Variants in MKLN1 observed in about 807,000 individuals in gnomAD.
The protein encoded by MKLN1 is muskelin 1, also known as muskelin.
In MKLN1, 18 loss-of-function variants were observed where a neutral mutation model predicts 99.0. That is an observed-to-expected ratio of 0.18 (90% CI 0.13 to 0.27). The LOEUF (loss-of-function observed/expected upper bound fraction) is 0.27, where lower values mean the gene tolerates loss of function less well. Ranked by LOEUF, MKLN1 falls within the 10% of genes least tolerant of loss-of-function variation. MKLN1 has a pLI of 1.00. For synonymous variants in MKLN1, 288 were observed against 293.2 expected (o/e 0.98, Z 0.18); for missense variants, 621 against 875.9 (o/e 0.71, Z 3.67).
At chr7:131,442,004 GT>G (rs1795854240) in intron 10 of MKLN1, among the ~76,000 whole-genome samples, 1 of 152,194 alleles carries the variant, frequency 6.6e-6, no homozygotes, top group South Asian at 2.1e-4. Flanking sequence ...AAACTGAGTT[GT>G]TTTCAGCAGT....
intron 3 of MKLN1, among the ~76,000 whole-genome samples, chr7:131,272,300 G>C (rs1305200508): frequency 1.3e-5 from 2 of 152,202 alleles, no homozygotes; most frequent in Non-Finnish European, 2.9e-5. Flanking sequence ...TTAACCCAAG[G>C]CATATCAGGC....
At chr7:131,137,174 T>C (rs1189577885) in intron 1 of MKLN1, among the ~76,000 whole-genome samples, 1 of 152,160 alleles carries the variant, frequency 6.6e-6, no homozygotes, top group Admixed American at 6.5e-5. Context: ...TTCTATCCTG[T>C]GCATCTAGAA....
chr7:131,193,467 G>A (rs1051387077), intron 2 of MKLN1, among the ~76,000 whole-genome samples: 1 of 152,122 alleles, frequency 6.6e-6, no homozygotes, highest in Non-Finnish European at 1.5e-5. Flanking sequence ...CTGGGTTCAA[G>A]TGATTCTTCT....
At chr7:131,226,053 C>T (rs1257685616) in intron 3 of MKLN1, among the ~76,000 whole-genome samples, 1 of 148,940 alleles carries the variant, frequency 6.7e-6, no homozygotes, top group Non-Finnish European at 1.5e-5. Flanking sequence ...CTACTTTCTC[C>T]CCAGCCACTT....
rs540579545 is a variant in MKLN1 at position 131,300,699 on chromosome 7, A to C, written c.-178-74725A>C. Reference sequence around the variant, plus strand: ...TGAGACCCTGTCTCAAAAAAAAAAAAACAACCAAAAAGAAAAAAAAAGAAT... The same window carrying C: ...TGAGACCCTGTCTCAAAAAAAAAAACACAACCAAAAAGAAAAAAAAAGAAT... On this transcript the variant is annotated intron_variant, in intron 3 of 7. Transcript: ENST00000416992. 3.7e-3 allele frequency among the ~76,000 whole-genome samples: 452 copies of C among 122,004 alleles called. 4 individuals carry two copies. The highest frequency in any genetic ancestry group is 0.011 in the African/African-American group (429 of 38,540). 80.0% of individuals were successfully genotyped at this position (122,004 alleles called of 152,430 possible).
At chr7:131,389,372 A>G (rs1012487600) in intron 4 of MKLN1, among the ~76,000 whole-genome samples, 2 of 152,182 alleles carry the variant, frequency 1.3e-5, no homozygotes. Context: ...CTTATACTAA[A>G]ACAATAATAT....
chr7:131,228,546 C>T (rs1399495162), intron 3 of MKLN1, among the ~76,000 whole-genome samples: 1 of 152,170 alleles, frequency 6.6e-6, no homozygotes, highest in Non-Finnish European at 1.5e-5. Flanking sequence ...GGGTTTTTCC[C>T]TAATTCTTAT....
intron 1 of MKLN1, among the ~76,000 whole-genome samples, chr7:131,363,176 T>G (rs1297136414): frequency 6.6e-6 from 1 of 152,030 alleles, no homozygotes; most frequent in African/African-American, 2.4e-5. Flanking sequence ...GTGCAGTTTT[T>G]GAGCTGTGTG....
Position 131,397,354 on chromosome 7 carries a change from C to T in MKLN1, c.488C>T (p.Pro163Leu). The change falls in exon 5 of 18, where the codon CCT (proline) becomes CTT (leucine). Residue 163 changes from proline to leucine, a missense_variant. Coordinates refer to ENST00000352689, the MANE Select transcript of MKLN1 (RefSeq NM_013255.5). ...ATTGATGATCCTGATATAGTACAAC[C>T]TTGTCTCAACTGGTATAGCAAGGTA... ...SGIDDPDIVQ[P>L]CLNWYSKYRE... The T allele has an allele frequency of 6.2e-7, 1 of 1,606,114 alleles. No individual in the cohort carries two copies.
chr7:131,275,762 A>G (rs1001321627), intron 3 of MKLN1, among the ~76,000 whole-genome samples: 1 of 150,980 alleles, frequency 6.6e-6, no homozygotes, highest in Non-Finnish European at 1.5e-5. Context: ...ATATCAACAT[A>G]TCAATTTGAG....
At chr7:131,164,157 G>A (rs892495381) in intron 2 of MKLN1, among the ~76,000 whole-genome samples, 2 of 152,154 alleles carry the variant, frequency 1.3e-5, no homozygotes, top group African/African-American at 4.8e-5. Context: ...TGTCACTGAG[G>A]CTGGAGTGCA....
intron 5 of MKLN1, among the ~76,000 whole-genome samples, chr7:131,397,608 A>G (rs1315088296): frequency 6.6e-6 from 1 of 152,330 alleles, no homozygotes; most frequent in East Asian, 1.9e-4. Flanking sequence ...TTATAGATGA[A>G]GAAATGAAGA....
chr7:131,320,509 A>G (rs926844649), intron 3 of MKLN1, among the ~76,000 whole-genome samples: 1 of 152,238 alleles, frequency 6.6e-6, no homozygotes, highest in Non-Finnish European at 1.5e-5. Flanking sequence ...CATTCAGGAC[A>G]TAGGCATGGG....
chr7:131,453,265 A>AGT (rs1307127071), intron 12 of MKLN1, among the ~76,000 whole-genome samples: 71 of 152,238 alleles, frequency 4.7e-4, no homozygotes, highest in African/African-American at 1.7e-3. Context: ...AAGTTAATGA[A>AGT]GTAGTACTGG....
chr7:131,168,491 A>AT (rs1207737718), intron 2 of MKLN1, among the ~76,000 whole-genome samples: 1 of 151,940 alleles, frequency 6.6e-6, no homozygotes, highest in African/African-American at 2.4e-5. Context: ...GTCCCCCTCT[A>AT]TTTTTCTCAT....
At chr7:131,377,691 T>C (rs1181078043) in intron 2 of MKLN1, among the ~76,000 whole-genome samples, 1 of 152,224 alleles carries the variant, frequency 6.6e-6, no homozygotes, top group Non-Finnish European at 1.5e-5. Context: ...AATTTAATAC[T>C]TTTCTTAACT....
chr7:131,187,712 T>TGAGTCCAGGATTTCGAGACCA (rs1796473268), intron 2 of MKLN1, among the ~76,000 whole-genome samples: 1 of 152,130 alleles, frequency 6.6e-6, no homozygotes, highest in African/African-American at 2.4e-5. Context: ...AAGGATCACT[T>TGAGTCCAGGATTTCGAGACCA]GAGTCCAGGA....
chr7:131,420,180 A>T (rs1173943503), intron 8 of MKLN1, among the ~76,000 whole-genome samples: 1 of 152,028 alleles, frequency 6.6e-6, no homozygotes, highest in African/African-American at 2.4e-5. Flanking sequence ...CCTAAAACTT[A>T]AAGTATAATT....
chr7:131,307,039 G>C (rs1193552604), intron 3 of MKLN1, among the ~76,000 whole-genome samples: 2 of 152,076 alleles, frequency 1.3e-5, no homozygotes, highest in Admixed American at 1.3e-4. Flanking sequence ...CCCAGCCACA[G>C]TTGGGGGATG....
Sources: gnomAD v4.1 joint callset for allele counts (sites outside exome capture counted in the v4.1 genomes callset) on GRCh38, gnomAD v4.1.1 for gene constraint, MANE v1.5 for transcripts, NCBI Gene and HGNC (gene_info 2026-07-23, HGNC 2026-07-21) for gene names.